IL1RAPL2: variants seen among roughly 807,000 people sequenced by gnomAD.
IL1RAPL2 encodes interleukin 1 receptor accessory protein like 2.
IL1RAPL2 carries 3 observed loss-of-function variants against 44.1 expected under a neutral mutation model. That is an observed-to-expected ratio of 0.07 (90% CI 0.03 to 0.18). The LOEUF (loss-of-function observed/expected upper bound fraction) is 0.18, where lower values mean the gene tolerates loss of function less well. Among genes scored for constraint, IL1RAPL2 ranks in the 10% least tolerant of loss-of-function variants. The pLI is 1.00. For missense variants in IL1RAPL2, 391 were observed against 496.4 expected, an observed-to-expected ratio of 0.79 and a Z score of 2.02; for synonymous variants, 181 against 178.8, an observed-to-expected ratio of 1.01 and a Z score of -0.10.
At chrX:104,905,423 T>G (rs1490760724) in intron 2 of IL1RAPL2, among the ~76,000 whole-genome samples, 4 of 111,819 alleles carry the variant, frequency 3.6e-5, no homozygotes, top group Non-Finnish European at 5.6e-5. Context: ...CTTCTAGGGT[T>G]TTTATGGTTT....
chrX:105,045,213 G>T (rs1030543395), intron 2 of IL1RAPL2, among the ~76,000 whole-genome samples: 4 of 111,388 alleles, frequency 3.6e-5, no homozygotes, highest in Admixed American at 9.6e-5. Flanking sequence ...AGAGTGAGTA[G>T]CTCAGCTATA....
chrX:104,992,825 C>T (rs893741591), intron 2 of IL1RAPL2, among the ~76,000 whole-genome samples: 2 of 111,353 alleles, frequency 1.8e-5, no homozygotes, highest in Non-Finnish European at 3.8e-5. Flanking sequence ...ACATCAGGGC[C>T]TCTCCTAGCT....
intron 2 of IL1RAPL2, among the ~76,000 whole-genome samples, chrX:104,778,985 A>T (rs752703652): frequency 1.5e-4 from 17 of 110,666 alleles, no homozygotes; most frequent in Non-Finnish European, 2.6e-4. Flanking sequence ...GTCCCTAGAG[A>T]TGATAATTGT....
At chrX:105,085,778 T>C (rs768425103) in intron 2 of IL1RAPL2, among the ~76,000 whole-genome samples, 2 of 112,305 alleles carry the variant, frequency 1.8e-5, no homozygotes, top group Non-Finnish European at 3.8e-5. Flanking sequence ...TACTAATAGC[T>C]TTCTGTTTAC....
intron 4 of IL1RAPL2, among the ~76,000 whole-genome samples, chrX:105,249,411 A>T (rs1207301092): frequency 5.4e-5 from 6 of 111,506 alleles, no homozygotes; most frequent in Admixed American, 3.8e-4. Flanking sequence ...GTTAGGAAAA[A>T]TGAATAATAC....
At position 105,687,013 on chromosome X, in the gene IL1RAPL2, C is replaced by G. The variant is rs1410977713; in HGVS notation, c.773-30354C>G. ...AAATGAAGGCAGAAATAAAGATGTT[C>G]TTTGAAACCAGTGAGAACAAAGACA... is the stretch of plus-strand genomic sequence containing the variant. On this transcript the variant is annotated intron_variant, in intron 6 of 10. Coordinates refer to ENST00000372582, the MANE Select transcript of IL1RAPL2 (RefSeq NM_017416.2). Among the ~76,000 whole-genome samples the G allele has an allele frequency of 4.5e-5, 5 of 111,754 alleles. No homozygotes were observed. The East Asian group carries it at 1.4e-3, about 31-fold the overall frequency.
At chrX:105,374,132 A>G (rs2031757090) in intron 5 of IL1RAPL2, among the ~76,000 whole-genome samples, 1 of 103,010 alleles carries the variant, frequency 9.7e-6, no homozygotes, top group Non-Finnish European at 1.9e-5. Flanking sequence ...AAAAAAAAAA[A>G]AAAAGAAAGA....
At chrX:105,575,750 T>C (rs1359638288) in intron 6 of IL1RAPL2, among the ~76,000 whole-genome samples, 3 of 112,414 alleles carry the variant, frequency 2.7e-5, no homozygotes. Flanking sequence ...AATTGCTACA[T>C]TGTTTTCCAC....
chrX:105,518,887 T>A (rs1324762082), intron 6 of IL1RAPL2, among the ~76,000 whole-genome samples: 1 of 111,858 alleles, frequency 8.9e-6, no homozygotes, highest in African/African-American at 3.2e-5. Flanking sequence ...ATGTCAGGAA[T>A]CATTTATAAC....
At position 104,855,687 on chromosome X, in the gene IL1RAPL2, T is replaced by G. The variant is rs944569028; in HGVS notation, c.82+196692T>G. Among the ~76,000 whole-genome samples the G allele has an allele frequency of 1.9e-4, 18 of 93,621 alleles. 1 individual carries two copies. Among genetic ancestry groups the G allele is most frequent in the South Asian group, 5.0e-4 (1 of 1,994 alleles). The allele number at this position is 93,621 out of a possible 115,157, so 81.3% of individuals were successfully genotyped here. The stretch of plus-strand genomic sequence containing the variant: ...GTGCTAAGGATCTGGATCCGTTTTT[T>G]TTTTTTTTTTTACTGTATCTCTCTC... On this transcript the variant is annotated intron_variant, in intron 2 of 10. Coordinates refer to ENST00000372582, the MANE Select transcript of IL1RAPL2 (RefSeq NM_017416.2).
intron 2 of IL1RAPL2, among the ~76,000 whole-genome samples, chrX:104,758,831 C>T (rs1336855921): frequency 1.8e-5 from 2 of 111,715 alleles, no homozygotes; most frequent in East Asian, 5.6e-4. Flanking sequence ...CTAAGAATGC[C>T]GTGACCCAAT....
At chrX:104,894,512 T>C (rs950228066) in intron 2 of IL1RAPL2, among the ~76,000 whole-genome samples, 6 of 111,942 alleles carry the variant, frequency 5.4e-5, no homozygotes, top group African/African-American at 1.9e-4. Context: ...TCTAAACTTC[T>C]CTTCTCACTT....
At chrX:105,223,146 T>G (rs1603019929) in intron 3 of IL1RAPL2, among the ~76,000 whole-genome samples, 1 of 99,644 alleles carries the variant, frequency 1.0e-5, no homozygotes, top group African/African-American at 4.0e-5. Context: ...TGAGATTCAG[T>G]CTCAAAAAAA....
In IL1RAPL2 at chrX:105,525,802, C is replaced by T. The variant is rs1160204808; in HGVS notation, c.772+41415C>T. Among the ~76,000 whole-genome samples, 3 of 111,552 alleles carry T rather than the reference C, an allele frequency of 2.7e-5. No individual in the cohort carries two copies. In the Admixed American group the frequency reaches 2.9e-4, roughly 11 times the overall value. ...CCTTCTCTTATTCCCTCTTCCCTGC[C>T]TCTTCCCAAGTTAGCAAGAGGGAAA... On this transcript the variant is annotated intron_variant, in intron 6 of 10. Coordinates refer to ENST00000372582, the MANE Select transcript of IL1RAPL2 (RefSeq NM_017416.2).
chrX:104,947,243 G>C (rs866539585), intron 2 of IL1RAPL2, among the ~76,000 whole-genome samples: 18 of 109,526 alleles, frequency 1.6e-4, no homozygotes, highest in South Asian at 1.2e-3. Flanking sequence ...CCTGTCCTTC[G>C]CCCACTTTTT....
intron 2 of IL1RAPL2, among the ~76,000 whole-genome samples, chrX:104,811,247 AAG>A (rs949645738): frequency 1.3e-4 from 14 of 111,770 alleles, no homozygotes; most frequent in African/African-American, 4.5e-4. Flanking sequence ...AGAGTCAGGA[AAG>A]AGGGGATGAT....
intron 2 of IL1RAPL2, among the ~76,000 whole-genome samples, chrX:105,075,062 G>C (rs2032271970): frequency 9.0e-6 from 1 of 111,327 alleles, no homozygotes; most frequent in Admixed American, 9.6e-5. Context: ...GCCCTGGCCA[G>C]ACCTTCCAAC....
chrX:105,016,548 CT>C (rs1264513942), intron 2 of IL1RAPL2, among the ~76,000 whole-genome samples: 2 of 111,355 alleles, frequency 1.8e-5, no homozygotes, highest in Non-Finnish European at 3.8e-5. Context: ...TGTCAAATGC[CT>C]TTTCTGCATC....
intron 5 of IL1RAPL2, among the ~76,000 whole-genome samples, chrX:105,280,682 C>T (rs1343820235): frequency 2.7e-5 from 3 of 112,037 alleles, no homozygotes; most frequent in Non-Finnish European, 5.6e-5. Flanking sequence ...AAATGTTCAT[C>T]GTCACTGGTC....
Sources: gnomAD v4.1 joint callset for allele counts (sites outside exome capture counted in the v4.1 genomes callset) on GRCh38, gnomAD v4.1.1 for gene constraint, MANE v1.5 for transcripts, NCBI Gene and HGNC (gene_info 2026-07-23, HGNC 2026-07-21) for gene names.